Variants in HDAC4 observed in about 807,000 individuals in gnomAD.
The protein encoded by HDAC4 is histone deacetylase 4.
In HDAC4, 16 loss-of-function variants were observed where a neutral mutation model predicts 135.1. The observed-to-expected ratio is 0.12, with a 90% CI of 0.08 to 0.18. The LOEUF is 0.18. HDAC4 is among the 10% of genes least tolerant of loss of function. The pLI is 1.00. For missense variants in HDAC4, 1,143 were observed against 1,511.8 expected, an observed-to-expected ratio of 0.76 and a Z score of 4.05; for synonymous variants, 685 against 653.4, an observed-to-expected ratio of 1.05 and a Z score of -0.74.
chr2:239,149,050 A>G (rs889956390), intron 7 of HDAC4, among the ~76,000 whole-genome samples: 1 of 152,340 alleles, frequency 6.6e-6, no homozygotes, highest in African/African-American at 2.4e-5. Context: ...CCGTTCTCCT[A>G]TCATGAACAT....
intron 24 of HDAC4, among the ~76,000 whole-genome samples, chr2:239,060,265 A>T (rs1430275148): frequency 6.6e-6 from 1 of 152,096 alleles, no homozygotes; most frequent in African/African-American, 2.4e-5. Flanking sequence ...GTAAGTAGTA[A>T]ATCTGCTGCA....
chr2:239,221,597 C>G (rs567917202), intron 3 of HDAC4, among the ~76,000 whole-genome samples: 7 of 150,160 alleles, frequency 4.7e-5, no homozygotes, highest in African/African-American at 1.7e-4. Flanking sequence ...CCTCAAAGTG[C>G]GCTGAGAGTG....
chr2:239,163,468 C>T (rs1173962766), intron 6 of HDAC4, among the ~76,000 whole-genome samples: 1 of 152,036 alleles, frequency 6.6e-6, no homozygotes, highest in Non-Finnish European at 1.5e-5. Context: ...TGGAGGGGGG[C>T]CCACCCCGTG....
intron 12 of HDAC4, among the ~76,000 whole-genome samples, chr2:239,123,021 A>G (rs2039826384): frequency 1.3e-5 from 2 of 152,190 alleles, no homozygotes; most frequent in South Asian, 4.1e-4. Flanking sequence ...GCATCCTGGG[A>G]AAACACTGTC....
At chr2:239,371,162 A>G (rs1694582935) in intron 1 of HDAC4, among the ~76,000 whole-genome samples, 1 of 152,198 alleles carries the variant, frequency 6.6e-6, no homozygotes, top group Non-Finnish European at 1.5e-5. Flanking sequence ...CTGTGCAGAC[A>G]CCTGTTCTGG....
intron 7 of HDAC4, among the ~76,000 whole-genome samples, chr2:239,151,393 C>A (rs572287278): frequency 8.5e-5 from 13 of 152,334 alleles, no homozygotes; most frequent in South Asian, 6.2e-4. Flanking sequence ...CTCTTCCTCA[C>A]CAAGCGGGAC....
chr2:239,129,570 G>T (rs1361480816), intron 11 of HDAC4, among the ~76,000 whole-genome samples: 1 of 152,202 alleles, frequency 6.6e-6, no homozygotes, highest in Non-Finnish European at 1.5e-5. Flanking sequence ...ACTGGCAGAA[G>T]CCCTTCCCTG....
intron 1 of HDAC4, among the ~76,000 whole-genome samples, chr2:239,392,385 T>C (rs903271629): frequency 2.0e-5 from 3 of 152,228 alleles, no homozygotes; most frequent in Admixed American, 6.5e-5. Context: ...CTCCAAAGAA[T>C]GGGGACTGTG....
At chr2:239,391,042 G>T (rs1004343580) in intron 1 of HDAC4, among the ~76,000 whole-genome samples, 1 of 152,214 alleles carries the variant, frequency 6.6e-6, no homozygotes, top group Non-Finnish European at 1.5e-5. Context: ...CCATCAGACC[G>T]CTCGAGTCAT....
Position 239,049,395 on chromosome 2 carries a change from C to T in HDAC4, c.*3702G>A, listed in dbSNP as rs1053404517. 2 of 152,274 alleles carry T rather than the reference C, an allele frequency of 1.3e-5. No individual in the cohort carries two copies. The highest frequency in any genetic ancestry group is 2.4e-5 in the African/African-American group (1 of 41,312). 9.4% of individuals were successfully genotyped at this position (152,274 alleles called of 1,614,324 possible). A position where few individuals can be genotyped will look rare whatever the true frequency, so the allele number is the denominator to read the frequency against. ...GAGTTTGGCGTGCAAAATCTGTATA[C>T]AATATAAAGTCATGCCGGTCGTACA... is the stretch of plus-strand genomic sequence containing the variant. On this transcript the variant is annotated 3_prime_UTR_variant, in exon 27 of 27. Coordinates refer to ENST00000543185, the MANE Select transcript of HDAC4 (RefSeq NM_001378414.1).
At chr2:239,070,204 G>A (rs376763141) in intron 22 of HDAC4, among the ~76,000 whole-genome samples, 1 of 152,200 alleles carries the variant, frequency 6.6e-6, no homozygotes, top group Non-Finnish European at 1.5e-5. Flanking sequence ...GGGAGCCCAC[G>A]TGTTCCTTAC....
At chr2:239,385,086 T>C (rs1291917051) in intron 1 of HDAC4, among the ~76,000 whole-genome samples, 1 of 152,128 alleles carries the variant, frequency 6.6e-6, no homozygotes, top group Non-Finnish European at 1.5e-5. Context: ...ATCTTGGCTC[T>C]CTCTCCTGAG....
intron 24 of HDAC4, among the ~76,000 whole-genome samples, chr2:239,056,099 CCGCCAGGCCAGGG>C (rs1293467277): frequency 6.6e-6 from 1 of 152,252 alleles, no homozygotes; most frequent in Non-Finnish European, 1.5e-5. Flanking sequence ...AGTGGCAGCT[CCGCCAGGCCAGGG>C]CGCCAGGCAG....
At chr2:239,362,919 A>G (rs1391187056) in intron 1 of HDAC4, among the ~76,000 whole-genome samples, 1 of 152,248 alleles carries the variant, frequency 6.6e-6, no homozygotes, top group Non-Finnish European at 1.5e-5. Context: ...TCTACCAATA[A>G]CTATTAAAAT....
chr2:239,291,414 G>A (rs933849875), intron 2 of HDAC4, among the ~76,000 whole-genome samples: 1 of 152,226 alleles, frequency 6.6e-6, no homozygotes, highest in Non-Finnish European at 1.5e-5. Context: ...TCAAAGAGGG[G>A]TCCCCTGGGT....
chr2:239,374,483 A>C (rs1694862126), intron 1 of HDAC4, among the ~76,000 whole-genome samples: 1 of 120,658 alleles, frequency 8.3e-6, no homozygotes, highest in Admixed American at 1.2e-4. Context: ...GGCTCACTGC[A>C]AGCTCCGCCT....
chr2:239,229,198 A>G (rs1203241365), intron 3 of HDAC4, among the ~76,000 whole-genome samples: 2 of 152,210 alleles, frequency 1.3e-5, no homozygotes, highest in Admixed American at 6.5e-5. Flanking sequence ...TAATGGGGCC[A>G]ATTCGCCTAA....
chr2:239,067,659 C>A (rs886224348), intron 23 of HDAC4, among the ~76,000 whole-genome samples: 6 of 152,204 alleles, frequency 3.9e-5, no homozygotes, highest in African/African-American at 1.4e-4. Context: ...GGCCACTAGG[C>A]TGCACGGCCT....
intron 25 of HDAC4, 79 bp from the exon 26 acceptor site, chr2:239,053,680 G>T: frequency 1.6e-6 from 2 of 1,273,638 alleles, no homozygotes; most frequent in South Asian, 1.2e-5. Context: ...GGTCCTGCGG[G>T]ACCCTGAGCC....
Sources: allele counts gnomAD v4.1 joint callset (sites outside exome capture counted in the v4.1 genomes callset), GRCh38; gene constraint gnomAD v4.1.1; transcripts MANE v1.5; gene names NCBI Gene and HGNC (gene_info 2026-07-23, HGNC 2026-07-21).